The following FARP1 variants were observed in gnomAD, a reference collection of about 807,000 sequenced individuals.
FARP1 encodes the protein FERM, ARH/RhoGEF and pleckstrin domain protein 1, also known as FERM, ARHGEF and pleckstrin domain-containing protein 1.
In FARP1, 52 loss-of-function variants were observed where a neutral mutation model predicts 128.8. The ratio of observed to expected loss-of-function variants is 0.40; its 90% confidence interval spans 0.32 to 0.51. The LOEUF (loss-of-function observed/expected upper bound fraction) is 0.51. Ranked by LOEUF, FARP1 falls within the 20% of genes least tolerant of loss-of-function variation. FARP1 has a pLI of 0.45. For synonymous variants in FARP1, 580 were observed against 551.8 expected, an observed-to-expected ratio of 1.05 and a Z score of -0.72; for missense variants, 1,333 against 1,367.9, an observed-to-expected ratio of 0.97 and a Z score of 0.40.
chr13:98,155,418 G>A (rs1436228910), intron 1 of FARP1, among the ~76,000 whole-genome samples: 1 of 151,498 alleles, frequency 6.6e-6, no homozygotes, highest in Non-Finnish European at 1.5e-5. Flanking sequence ...AAGCTCCTTA[G>A]GCGGGGTGCT....
intron 23 of FARP1, 51 bp from the exon 24 acceptor site, chr13:98,440,619 G>T (rs749984427): frequency 3.8e-6 from 6 of 1,562,816 alleles, no homozygotes; most frequent in Admixed American, 1.9e-5. Context: ...GTATCAGGAA[G>T]GGGCGCTGGG....
chr13:98,252,288 A>G (rs760267224), intron 2 of FARP1, among the ~76,000 whole-genome samples: 13 of 152,338 alleles, frequency 8.5e-5, no homozygotes, highest in South Asian at 4.1e-4. Context: ...TGACTATTCA[A>G]TGTGAGACTC....
Position 98,217,459 on chromosome 13 carries a change from C to T in FARP1, c.171+4046C>T, listed in dbSNP as rs746517487. Among the ~76,000 whole-genome samples the T allele has an allele frequency of 3.3e-5, 5 of 152,306 alleles. 1 individual carries two copies. The highest frequency in any genetic ancestry group is 1.9e-4 in the East Asian group (1 of 5,178). On this transcript the variant is annotated intron_variant, in intron 2 of 26. Coordinates refer to ENST00000319562, the MANE Select transcript of FARP1 (RefSeq NM_005766.4). ...GAGGGAACTCGGCGTCTACGACCGT[C>T]GTCGCAGGAAATGATCCTTGTAACT...
At position 98,448,418 on chromosome 13, in the gene FARP1, C is replaced by T; in HGVS notation, c.*101C>T. 1.0e-6 allele frequency: 1 copy of T among 972,000 alleles called. No homozygotes were observed. Among genetic ancestry groups the T allele is most frequent in the South Asian group, 1.4e-5 (1 of 72,428 alleles). 60.2% of individuals were successfully genotyped at this position (972,000 alleles called of 1,614,324 possible). A position where few individuals can be genotyped will look rare whatever the true frequency, so the allele number is the denominator to read the frequency against. On this transcript the variant is annotated 3_prime_UTR_variant, in exon 27 of 27. Transcript: ENST00000319562. Reference sequence around the variant, plus strand: ...GTAAAATTAACACCTGTCTGAAAATCAAAAACATGGCTTCCCAGCAGCTCT... The same window carrying T: ...GTAAAATTAACACCTGTCTGAAAATTAAAAACATGGCTTCCCAGCAGCTCT...
intron 1 of FARP1, among the ~76,000 whole-genome samples, chr13:98,162,362 C>T (rs1876947665): frequency 1.3e-5 from 2 of 152,162 alleles, no homozygotes; most frequent in Admixed American, 1.3e-4. Context: ...TTTGCCTTCT[C>T]ATCGATGTGC....
intron 3 of FARP1, among the ~76,000 whole-genome samples, chr13:98,344,723 A>C (rs948362216): frequency 2.0e-5 from 3 of 152,322 alleles, no homozygotes; most frequent in African/African-American, 7.2e-5. Flanking sequence ...GGCAGTGCAG[A>C]TCGAGCCTGG....
chr13:98,439,860 C>G (rs1174172790), intron 21 of FARP1, 101 bp from the exon 22 acceptor site: 7 of 856,614 alleles, frequency 8.2e-6, no homozygotes, highest in Non-Finnish European at 1.3e-5. Context: ...GAGCCCTGCT[C>G]AGGGGCACCC....
intron 2 of FARP1, among the ~76,000 whole-genome samples, chr13:98,215,219 T>C (rs1218102940): frequency 6.6e-6 from 1 of 152,238 alleles, no homozygotes; most frequent in Admixed American, 6.5e-5. Flanking sequence ...AAATGATTTT[T>C]CTTCATAATT....
At chr13:98,256,992 C>A (rs1472005148) in intron 2 of FARP1, among the ~76,000 whole-genome samples, 2 of 65,276 alleles carry the variant, frequency 3.1e-5, no homozygotes, top group Non-Finnish European at 3.3e-5. Flanking sequence ...TATATATATA[C>A]CGAAAGATTT....
At chr13:98,204,889 A>T (rs285105) in intron 1 of FARP1, among the ~76,000 whole-genome samples, 69,982 of 151,928 alleles carry the variant, frequency 0.46, 18,142 homozygotes, top group Non-Finnish European at 0.58. Flanking sequence ...TCGAGGTTAC[A>T]GTGAGCTGTG....
In FARP1 at chr13:98,176,277, C is replaced by T. The variant is rs1186521879; in HGVS notation, c.-24+32785C>T. On this transcript the variant is annotated intron_variant, in intron 1 of 26. Transcript: ENST00000319562. The surrounding 1 kb of genome is among the most constrained non-coding windows in gnomAD (Gnocchi z 6.2). The stretch of plus-strand genomic sequence containing the variant: ...GGTCTTCTGTGAAATGGGACTTGCC[C>T]CCACCTTCTGCAGCCTGAAGCTTTT... 1 of 1,611,980 alleles carries T rather than the reference C, an allele frequency of 6.2e-7. No homozygotes were observed. Among genetic ancestry groups the T allele is most frequent in the East Asian group, 2.2e-5 (1 of 44,846 alleles).
intron 2 of FARP1, chr13:98,234,684 C>T (rs1882320119): frequency 6.6e-6 from 1 of 151,986 alleles, no homozygotes; most frequent in South Asian, 2.1e-4. Flanking sequence ...GAAGTATTGA[C>T]AAGCAGGAAA....
intron 1 of FARP1, among the ~76,000 whole-genome samples, chr13:98,208,170 T>C (rs989776076): frequency 6.6e-6 from 1 of 152,048 alleles, no homozygotes; most frequent in African/African-American, 2.4e-5. Flanking sequence ...AAGGCACTTA[T>C]ATAACAGACC....
intron 2 of FARP1, among the ~76,000 whole-genome samples, chr13:98,307,176 C>T (rs1388143175): frequency 6.6e-6 from 1 of 152,118 alleles, no homozygotes; most frequent in Non-Finnish European, 1.5e-5. Context: ...GATTAGAAAG[C>T]CGGAGAAAGC....
intron 5 of FARP1, among the ~76,000 whole-genome samples, chr13:98,374,688 A>T (rs945542347): frequency 3.9e-5 from 6 of 152,182 alleles, no homozygotes; most frequent in African/African-American, 1.4e-4. Context: ...AGTCTGTTCT[A>T]TGCTGCTATA....
rs758064913 is a variant in FARP1 at position 98,410,702 on chromosome 13, T to C, written c.1603-32T>C. 2.5e-6 allele frequency: 3 copies of C among 1,189,522 alleles called. No individual in the cohort carries two copies. The Admixed American group carries it at 5.4e-5, about 22-fold the overall frequency. The allele number at this position is 1,189,522 out of a possible 1,614,324, so 73.7% of individuals were successfully genotyped here. On this transcript the variant is annotated intron_variant, in intron 14 of 26. Transcript: ENST00000319562. ...CGAGACGCATACTCAAAAATGATTATTGCGCTTTGTTTCTTTTGCTGGGTT... is the reference window on the plus strand; with the variant it reads ...CGAGACGCATACTCAAAAATGATTACTGCGCTTTGTTTCTTTTGCTGGGTT...
At chr13:98,166,262 G>A (rs894852214) in intron 1 of FARP1, among the ~76,000 whole-genome samples, 5 of 152,156 alleles carry the variant, frequency 3.3e-5, no homozygotes, top group Non-Finnish European at 5.9e-5. Context: ...ACACCACACT[G>A]AAGATGGGTG....
intron 25 of FARP1, 138 bp from the exon 26 acceptor site, chr13:98,446,528 G>GCCATGGTCCCTTCCAGGCCCACGC (rs1216166510): frequency 2.4e-6 from 2 of 844,686 alleles, no homozygotes; most frequent in African/African-American, 1.7e-5. Flanking sequence ...AACACTGGCT[G>GCCATGGTCCCTTCCAGGCCCACGC]CCATGGTCCC....
At chr13:98,284,189 T>G (rs1339657445) in intron 2 of FARP1, among the ~76,000 whole-genome samples, 1 of 152,150 alleles carries the variant, frequency 6.6e-6, no homozygotes, top group Non-Finnish European at 1.5e-5. Context: ...TGTGATTTTT[T>G]TTTTTCCTCA....
Sources: allele counts gnomAD v4.1 joint callset (sites outside exome capture counted in the v4.1 genomes callset), GRCh38; gene constraint gnomAD v4.1.1; non-coding constraint Gnocchi (gnomAD v3.1); transcripts MANE v1.5; gene names NCBI Gene and HGNC (gene_info 2026-07-23, HGNC 2026-07-21).